The following MPP2 variants were observed in gnomAD, a reference collection of about 807,000 sequenced individuals.
MPP2 encodes the protein MAGUK p55 scaffold protein 2, also known as MAGUK p55 subfamily member 2.
Under a neutral mutation model 58.5 loss-of-function variants are expected in MPP2, and 42 were observed. That is an observed-to-expected ratio of 0.72 (90% CI 0.56 to 0.93). The LOEUF is 0.93. MPP2 is among the 40% of genes least tolerant of loss of function. The pLI is 0.00. For synonymous variants in MPP2, 300 were observed against 307.8 expected, an observed-to-expected ratio of 0.97 and a Z score of 0.26; for missense variants, 632 against 760.4, an observed-to-expected ratio of 0.83 and a Z score of 1.99.
intron 2 of MPP2, among the ~76,000 whole-genome samples, chr17:43,902,874 C>T (rs2048149820): frequency 1.3e-5 from 2 of 152,178 alleles, no homozygotes; most frequent in South Asian, 4.1e-4. Flanking sequence ...TGGGGTCCTG[C>T]GTGCACTACG....
intron 3 of MPP2, among the ~76,000 whole-genome samples, chr17:43,888,889 C>A (rs1479694547): frequency 3.3e-5 from 5 of 152,134 alleles, no homozygotes; most frequent in Non-Finnish European, 7.4e-5. Flanking sequence ...AACATTTAAT[C>A]ATTCAAATAC....
intron 3 of MPP2, among the ~76,000 whole-genome samples, chr17:43,892,542 C>T (rs2047650171): frequency 6.7e-6 from 1 of 149,646 alleles, no homozygotes; most frequent in South Asian, 2.1e-4. Flanking sequence ...AAATGAATGG[C>T]TTTTTTTTTT....
intron 3 of MPP2, among the ~76,000 whole-genome samples, chr17:43,883,656 G>A (rs927427696): frequency 2.6e-5 from 4 of 152,128 alleles, no homozygotes; most frequent in Non-Finnish European, 5.9e-5. Flanking sequence ...CAGCTCCCAG[G>A]ACCCTATATG....
intron 2 of MPP2, 62 bp downstream of exon 2, chr17:43,904,368 A>C: frequency 6.4e-7 from 1 of 1,551,882 alleles, no homozygotes; most frequent in South Asian, 1.1e-5. Context: ...GCCCACCCCT[A>C]AGTCCTCGCC....
At chr17:43,884,108 C>T (rs983040388) in intron 3 of MPP2, 2 of 702,624 alleles carry the variant, frequency 2.8e-6, no homozygotes, top group African/African-American at 1.7e-5. Flanking sequence ...GCATGTATTT[C>T]ATAGGAACAA....
At position 43,877,822 on chromosome 17, in the gene MPP2, G is replaced by A; in HGVS notation, c.1644C>T (p.Val548=). The part of the protein sequence containing the change: ...KLRTEPQWVP[V]SWVY ...GTGAACAGGCTCAGTACACCCAGCT[G>A]ACAGGCACCCACTGGGGCTCTGTCC... The change falls in exon 13 of 13, where the codon GTC becomes GTT. Residue 548 remains valine (V), a synonymous_variant. Coordinates refer to ENST00000269095, the MANE Select transcript of MPP2 (RefSeq NM_005374.5). 1 of 1,613,858 alleles carries A rather than the reference G, an allele frequency of 6.2e-7. No homozygotes were observed. Among genetic ancestry groups the A allele is most frequent in the Non-Finnish European group, 8.5e-7 (1 of 1,179,820 alleles).
At chr17:43,892,982 TGATGGATGGATGGATGGATG>T (rs6146066) in intron 3 of MPP2, among the ~76,000 whole-genome samples, 118,046 of 150,322 alleles carry the variant, frequency 0.79, 47,468 homozygotes, top group East Asian at 0.98. Context: ...AATAGGTATT[TGATGGATGGATGGATGGATG>T]GATGGATGGA....
intron 3 of MPP2, among the ~76,000 whole-genome samples, chr17:43,888,142 A>C (rs754095114): frequency 4.6e-5 from 7 of 152,168 alleles, no homozygotes; most frequent in Non-Finnish European, 7.4e-5. Context: ...GGTGAGATGG[A>C]CATAGTGCCT....
chr17:43,904,997 G>A (rs1320682633), intron 1 of MPP2, among the ~76,000 whole-genome samples: 4 of 151,826 alleles, frequency 2.6e-5, no homozygotes, highest in African/African-American at 7.3e-5. Context: ...GCAACATGGC[G>A]AGACCCCCAT....
chr17:43,880,677 C>G lies in MPP2; in HGVS notation c.1150+14G>C. The G allele has an allele frequency of 6.3e-7, 1 of 1,596,060 alleles. No homozygotes were observed. Among genetic ancestry groups the G allele is most frequent in the South Asian group, 1.1e-5 (1 of 88,718 alleles). ...TCCTTGTCCCCAACTCAGCAGGGCC[C>G]AGCTCCCACTCACAGGGCACCGTGG... On this transcript the variant is annotated intron_variant, in intron 10 of 12. Transcript: ENST00000269095. The surrounding 1 kb of genome is among the most constrained non-coding windows in gnomAD (Gnocchi z 5.2).
chr17:43,889,051 G>C (rs117069161), intron 3 of MPP2, among the ~76,000 whole-genome samples: 1 of 151,236 alleles, frequency 6.6e-6, no homozygotes, highest in Admixed American at 6.6e-5. Context: ...TCAACCTCCC[G>C]AACAGCTGGG....
At chr17:43,894,682 T>A (rs1300413518) in intron 3 of MPP2, among the ~76,000 whole-genome samples, 1 of 146,858 alleles carries the variant, frequency 6.8e-6, no homozygotes, top group Non-Finnish European at 1.5e-5. Flanking sequence ...CTCATGCCTA[T>A]AATCCCAGTG....
At chr17:43,885,707 T>C (rs1218932248) in intron 3 of MPP2, among the ~76,000 whole-genome samples, 1 of 152,076 alleles carries the variant, frequency 6.6e-6, no homozygotes, top group African/African-American at 2.4e-5. Context: ...CTATCACAAA[T>C]CTATTAGTAA....
At chr17:43,899,604 A>G (rs937952641) in intron 2 of MPP2, among the ~76,000 whole-genome samples, 1 of 152,174 alleles carries the variant, frequency 6.6e-6, no homozygotes, top group Non-Finnish European at 1.5e-5. Flanking sequence ...CATGGATGAT[A>G]GGAAGTCAAA....
chr17:43,888,463 G>A (rs231512), intron 3 of MPP2, among the ~76,000 whole-genome samples: 134,526 of 152,266 alleles, frequency 0.88, 59,549 homozygotes, highest in East Asian at 1. Context: ...CTCTGGCTCT[G>A]TTACCCTGTG....
At position 43,904,487 on chromosome 17, in the gene MPP2, G is replaced by A. The variant is rs372445134; in HGVS notation, c.-27C>T. 1.2e-5 allele frequency: 19 copies of A among 1,613,942 alleles called. No homozygotes were observed. Among genetic ancestry groups the A allele is most frequent in the Middle Eastern group, 1.7e-4 (1 of 6,060 alleles). On this transcript the variant is annotated 5_prime_UTR_variant, in exon 2 of 13. The change creates a new upstream start codon in the 5' untranslated region. Transcript: ENST00000269095. ...GTGAAGGAGGCAAGGGCTCTGAAAC[G>A]TCTCTCCTGGAGAGGGGAGAGAGGA...
chr17:43,888,319 TG>T (rs2047455605), intron 3 of MPP2, among the ~76,000 whole-genome samples: 2 of 152,118 alleles, frequency 1.3e-5, no homozygotes, highest in African/African-American at 4.8e-5. Flanking sequence ...AACAGACAAC[TG>T]ATGGGGCAGA....
rs1662863171 is a variant in MPP2 at position 43,882,948 on chromosome 17, A to G, written c.408T>C (p.Asp136=). 6.2e-7 allele frequency: 1 copy of G among 1,614,134 alleles called. No homozygotes were observed. The highest frequency in any genetic ancestry group is 8.5e-7 in the Non-Finnish European group (1 of 1,180,024). The part of the protein sequence containing the change: ...PTFSNQPVPP[D]AVRMVGIRKT... ...TGCGGATGCCCACCATGCGCACAGC[A>G]TCGGGAGGTACAGGCTGGTTGCTGA... The change falls in exon 5 of 13, where the codon GAT becomes GAC. Residue 136 remains aspartate, a synonymous_variant. Transcript: ENST00000269095.
chr17:43,875,935 G>C lies in MPP2; in HGVS notation c.*1872C>G, dbSNP rs573798337. 2.6e-5 allele frequency: 4 copies of C among 152,302 alleles called. No homozygotes were observed. Among genetic ancestry groups the C allele is most frequent in the Admixed American group, 2.0e-4 (3 of 15,304 alleles). 9.4% of individuals were successfully genotyped at this position (152,302 alleles called of 1,614,324 possible). On this transcript the variant is annotated 3_prime_UTR_variant, in exon 13 of 13. Transcript: ENST00000269095. ...TGACCCTATAGCCTCAGGTCAGCAA[G>C]AAAACACCCCATTTCCTTCCCACTC...
Sources: gnomAD v4.1 joint callset for allele counts (sites outside exome capture counted in the v4.1 genomes callset) on GRCh38, gnomAD v4.1.1 for gene constraint, Gnocchi (gnomAD v3.1) non-coding constraint, MANE v1.5 for transcripts, NCBI Gene and HGNC (gene_info 2026-07-23, HGNC 2026-07-21) for gene names.